The following TIMELESS variants were observed in gnomAD, a reference collection of about 807,000 sequenced individuals.
The protein encoded by TIMELESS is timeless circadian regulator.
A neutral mutation model predicts 164.3 loss-of-function variants in TIMELESS; 124 were observed. That is an observed-to-expected ratio of 0.75 (90% CI 0.65 to 0.88). TIMELESS has a LOEUF of 0.88. Among genes scored for constraint, TIMELESS ranks in the 40% least tolerant of loss-of-function variants. The pLI is 0.00. For synonymous variants in TIMELESS, 564 were observed against 563.4 expected (o/e 1.00, Z -0.02); for missense variants, 1,422 against 1,491.4 (o/e 0.95, Z 0.77).
intron 1 of TIMELESS, among the ~76,000 whole-genome samples, chr12:56,438,732 T>C (rs1221751337): frequency 8.1e-6 from 1 of 124,178 alleles, no homozygotes; most frequent in South Asian, 2.5e-4. Context: ...GGGCTGATAT[T>C]GCGCCACCGC....
intron 1 of TIMELESS, among the ~76,000 whole-genome samples, chr12:56,442,217 T>C (rs1204963623): frequency 4.6e-5 from 7 of 152,270 alleles, no homozygotes; most frequent in African/African-American, 1.4e-4. Flanking sequence ...AGTACTCTTT[T>C]CAGGTTAAAG....
chr12:56,424,991 G>T (rs1157054190), intron 14 of TIMELESS, 24 bp downstream of exon 14: 1 of 1,614,032 alleles, frequency 6.2e-7, no homozygotes, highest in African/African-American at 1.3e-5. Flanking sequence ...TCTCAAAAAA[G>T]ACAGGGTTTC....
At chr12:56,427,285 G>A (rs1881708965) in intron 13 of TIMELESS, among the ~76,000 whole-genome samples, 1 of 152,088 alleles carries the variant, frequency 6.6e-6, no homozygotes. Flanking sequence ...ATCACACCCA[G>A]CTAATTTTTG....
intron 15 of TIMELESS, 68 bp from the exon 16 acceptor site, chr12:56,423,962 G>C (rs754183768): frequency 2.9e-6 from 4 of 1,383,908 alleles, no homozygotes; most frequent in Non-Finnish European, 4.1e-6. Flanking sequence ...ATTCGAAGTA[G>C]AAGAAGGAAT....
In TIMELESS at chr12:56,423,751, C is replaced by T. The variant is rs765709818; in HGVS notation, c.1967-44G>A. The T allele has an allele frequency of 4.3e-6, 7 of 1,614,044 alleles. No homozygotes were observed. The South Asian group carries it at 6.6e-5, about 15-fold the overall frequency. ...TTACTGAGTCTCTGTTATGTTGGTG[C>T]TAGAAAAGAGCTGGAAGGAGACAGA... is the stretch of plus-strand genomic sequence containing the variant. On this transcript the variant is annotated intron_variant, in intron 16 of 28. Coordinates refer to ENST00000553532, the MANE Select transcript of TIMELESS (RefSeq NM_003920.5).
Position 56,426,071 on chromosome 12 carries a change from A to T in TIMELESS, c.1579-919T>A, listed in dbSNP as rs573262201. ...CTTACAATCAAACACACCAAAACTT[A>T]GGAGCATGGAGTCCAGCAGATCTGG... On this transcript the variant is annotated intron_variant, in intron 13 of 28. Coordinates refer to ENST00000553532, the MANE Select transcript of TIMELESS (RefSeq NM_003920.5). 3.0e-3 allele frequency among the ~76,000 whole-genome samples: 451 copies of T among 152,284 alleles called. 3 individuals carry two copies. Among genetic ancestry groups the T allele is most frequent in the African/African-American group, 0.01 (426 of 41,550 alleles).
chr12:56,433,043 C>T lies in TIMELESS; in HGVS notation c.514G>A (p.Asp172Asn), dbSNP rs1881945994. The change falls in exon 6 of 29, where the codon GAC (aspartate) becomes AAC (asparagine). Residue 172 changes from aspartate to asparagine, a missense_variant. Asp to Asn is a conservative substitution (Grantham distance 23, BLOSUM62 1). Coordinates refer to ENST00000553532, the MANE Select transcript of TIMELESS (RefSeq NM_003920.5). Reference sequence around the variant, plus strand: ...ACCCTCACCTTCTCCTGATCAAGGTCAGCTGGGACATGGAGAATATTTCTG... The same window carrying T: ...ACCCTCACCTTCTCCTGATCAAGGTTAGCTGGGACATGGAGAATATTTCTG... Reference protein sequence around the residue: ...LVRNILHVPADLDQEKKIDDD... With the variant: ...LVRNILHVPANLDQEKKIDDD... 6.2e-7 allele frequency: 1 copy of T among 1,612,474 alleles called. No homozygotes were observed. Among genetic ancestry groups the T allele is most frequent in the African/African-American group, 1.3e-5 (1 of 74,602 alleles).
intron 13 of TIMELESS, among the ~76,000 whole-genome samples, chr12:56,425,897 T>TAAAA (rs895728005): frequency 6.6e-6 from 1 of 151,944 alleles, no homozygotes; most frequent in South Asian, 2.1e-4. Context: ...AATAAATAAA[T>TAAAA]AATTAAAAAA....
Position 56,421,758 on chromosome 12 carries a change from C to G in TIMELESS, c.2694G>C (p.Gln898His). ...LWTGDQELEL[Q>H]RLFEEFRDSD... ...AGTCCCGGAATTCCTCAAAAAGCCG[C>G]TGCAGCTCCAACTCCTGATCCCCCG... Residue 898 changes from glutamine (Q) to histidine (H), a missense_variant, in exon 22 of 29, where the codon CAG becomes CAC. Transcript: ENST00000553532. The G allele has an allele frequency of 1.2e-6, 2 of 1,614,184 alleles. No homozygotes were observed. Among genetic ancestry groups the G allele is most frequent in the East Asian group, 4.5e-5 (2 of 44,890 alleles).
intron 13 of TIMELESS, among the ~76,000 whole-genome samples, chr12:56,427,166 A>G (rs1881705674): frequency 6.6e-6 from 1 of 152,082 alleles, no homozygotes; most frequent in Non-Finnish European, 1.5e-5. Flanking sequence ...TCTGTGGCCC[A>G]GACTGGAGTG....
chr12:56,433,163 T>G (rs1345300785), intron 5 of TIMELESS, 36 bp from the exon 6 acceptor site: 2 of 1,594,428 alleles, frequency 1.3e-6, no homozygotes, highest in Non-Finnish European at 1.7e-6. Flanking sequence ...AGACTCCCTG[T>G]GGAAGGCAGG....
At position 56,428,307 on chromosome 12, in the gene TIMELESS, C is replaced by T. The variant is rs776608498; in HGVS notation, c.1507G>A (p.Val503Met). 5 of 1,613,510 alleles carry T rather than the reference C, an allele frequency of 3.1e-6. No homozygotes were observed. Among genetic ancestry groups the T allele is most frequent in the Non-Finnish European group, 4.2e-6 (5 of 1,179,690 alleles). Residue 503 changes from valine to methionine, a missense_variant, in exon 13 of 29, where the codon GTG becomes ATG. Physicochemically the swap from Val to Met is conservative, Grantham distance 21. Coordinates refer to ENST00000553532, the MANE Select transcript of TIMELESS (RefSeq NM_003920.5). ...CQPRSFLRDLVETTHLFLKML... is the reference protein window; with the variant it reads ...CQPRSFLRDLMETTHLFLKML... ...TTGAGGAAGAGGTGGGTGGTCTCCACCAGGTCACGAAGGAAAGAGCGGGGC... is the reference window on the plus strand; with the variant it reads ...TTGAGGAAGAGGTGGGTGGTCTCCATCAGGTCACGAAGGAAAGAGCGGGGC...
intron 26 of TIMELESS, among the ~76,000 whole-genome samples, chr12:56,420,048 A>ATATGTGTGTGTGTGTG (rs1473074484): frequency 2.3e-5 from 2 of 87,338 alleles, no homozygotes; most frequent in African/African-American, 1.0e-4. Flanking sequence ...ATATATATAT[A>ATATGTGTGTGTGTGTG]TGTGTGTGTG....
rs72478993 is a variant in TIMELESS, at chr12:56,428,402, T to C, written c.1412A>G (p.Asn471Ser). Residue 471 changes from asparagine to serine, a missense_variant, in exon 13 of 29, where the codon AAT becomes AGT. Coordinates refer to ENST00000553532, the MANE Select transcript of TIMELESS (RefSeq NM_003920.5). ...VRESSRIIKN[N>S]IFYVMEYREL... The stretch of plus-strand genomic sequence containing the variant: ...TCGGTACTCCATCACATAGAAAATA[T>C]TGTCTAGGAATGGGGAAGAGAAAGG... The C allele has an allele frequency of 1.2e-6, 2 of 1,607,112 alleles. No homozygotes were observed. Among genetic ancestry groups the C allele is most frequent in the East Asian group, 2.2e-5 (1 of 44,714 alleles).
At chr12:56,440,286 G>A (rs944987285) in intron 1 of TIMELESS, among the ~76,000 whole-genome samples, 5 of 151,878 alleles carry the variant, frequency 3.3e-5, no homozygotes, top group Admixed American at 6.6e-5. Context: ...CTACAGGCAC[G>A]CGCCACCATG....
At chr12:56,420,048 A>ATG (rs1363649039) in intron 26 of TIMELESS, among the ~76,000 whole-genome samples, 4,052 of 86,840 alleles carry the variant, frequency 0.047, 145 homozygotes, top group Non-Finnish European at 0.058. Flanking sequence ...ATATATATAT[A>ATG]TGTGTGTGTG....
chr12:56,431,732 C>T (rs1881891009), intron 7 of TIMELESS, 128 bp from the exon 8 acceptor site: 1 of 1,183,842 alleles, frequency 8.4e-7, no homozygotes, highest in Non-Finnish European at 1.1e-6. Flanking sequence ...GTCGTTCTCC[C>T]TTATCTGAGG....
chr12:56,432,277 G>A (rs774040), intron 7 of TIMELESS, 92 bp downstream of exon 7: 1,437,390 of 1,449,162 alleles, frequency 0.99, 713,581 homozygotes, highest in East Asian at 1. Context: ...GCCTTCCCCA[G>A]ATAATGCAGC....
In TIMELESS at chr12:56,416,695, G is replaced by A. The variant is rs1847779111; in HGVS notation, c.*1021C>T. 6.6e-6 allele frequency: 1 copy of A among 152,038 alleles called. No individual in the cohort carries two copies. 9.4% of individuals were successfully genotyped at this position (152,038 alleles called of 1,614,324 possible). A position where few individuals can be genotyped will look rare whatever the true frequency, so the allele number is the denominator to read the frequency against. ...CTTTTCTGTGTCTTCTGTAGGGAAA[G>A]CGGAAGAAAAGGGAAGGTTGTTGGT... is the stretch of plus-strand genomic sequence containing the variant. On this transcript the variant is annotated 3_prime_UTR_variant, in exon 29 of 29. Coordinates refer to ENST00000553532, the MANE Select transcript of TIMELESS (RefSeq NM_003920.5).
Sources: gnomAD v4.1 joint callset for allele counts (sites outside exome capture counted in the v4.1 genomes callset) on GRCh38, gnomAD v4.1.1 for gene constraint, MANE v1.5 for transcripts, NCBI Gene and HGNC (gene_info 2026-07-23, HGNC 2026-07-21) for gene names.